Variants in ATG7 observed in about 807,000 individuals in gnomAD.
ATG7 encodes ubiquitin-like modifier-activating enzyme ATG7.
A neutral mutation model predicts 82.4 loss-of-function variants in ATG7; 70 were observed. That is an observed-to-expected ratio of 0.85 (90% CI 0.70 to 1.04). The LOEUF is 1.04. Among genes scored for constraint, ATG7 ranks in the 50% least tolerant of loss-of-function variants. ATG7 has a pLI of 0.00. For synonymous variants in ATG7, 287 were observed against 313.0 expected, an observed-to-expected ratio of 0.92 and a Z score of 0.88; for missense variants, 792 against 864.3, an observed-to-expected ratio of 0.92 and a Z score of 1.05.
At chr3:11,357,416 C>T (rs931501916) in intron 14 of ATG7, among the ~76,000 whole-genome samples, 1 of 152,144 alleles carries the variant, frequency 6.6e-6, no homozygotes, top group African/African-American at 2.4e-5. Flanking sequence ...AGAGTGAAGC[C>T]TTACTCTGTC....
At chr3:11,284,289 TCTCA>T in intron 3 of ATG7, among the ~76,000 whole-genome samples, 1 of 152,308 alleles carries the variant, frequency 6.6e-6, no homozygotes. Context: ...GGTTGGGCGG[TCTCA>T]CTCCAGGAAG....
the ATG7 span, among the ~76,000 whole-genome samples, chr3:11,569,696 G>A: frequency 6.6e-6 from 1 of 152,356 alleles, no homozygotes; most frequent in African/African-American, 2.4e-5. Context: ...AGGACAGCCA[G>A]TCGTTCACAC....
chr3:11,276,697 C>T (rs1013185851), intron 1 of ATG7, among the ~76,000 whole-genome samples: 57 of 152,294 alleles, frequency 3.7e-4, no homozygotes, highest in African/African-American at 1.3e-3. Context: ...CCCAGTCCTA[C>T]TTTGTATTAT....
intron 14 of ATG7, among the ~76,000 whole-genome samples, chr3:11,350,428 A>G (rs1160016122): frequency 6.6e-6 from 1 of 152,198 alleles, no homozygotes; most frequent in Non-Finnish European, 1.5e-5. Flanking sequence ...GCTGTGGTTC[A>G]GCTGTGTCAC....
intron 20 of ATG7, among the ~76,000 whole-genome samples, chr3:11,521,335 T>A (rs2124917178): frequency 6.6e-6 from 1 of 152,156 alleles, no homozygotes; most frequent in East Asian, 1.9e-4. Context: ...AAAGGGTGGC[T>A]AAGAGTCACA....
intron 19 of ATG7, among the ~76,000 whole-genome samples, chr3:11,401,134 G>A (rs1490660111): frequency 2.6e-5 from 4 of 152,244 alleles, no homozygotes; most frequent in Admixed American, 2.0e-4. Context: ...CTCAGACCCC[G>A]CCCCAGACCT....
At chr3:11,563,183 C>T in the ATG7 span, among the ~76,000 whole-genome samples, 1 of 152,212 alleles carries the variant, frequency 6.6e-6, no homozygotes, top group Non-Finnish European at 1.5e-5. Context: ...AGTTATGTCC[C>T]CCAGGTCATC....
chr3:11,435,357 T>TAAA (rs1576393658), intron 20 of ATG7, among the ~76,000 whole-genome samples: 1 of 152,188 alleles, frequency 6.6e-6, no homozygotes, highest in East Asian at 1.9e-4. Flanking sequence ...TCGGTGCCAC[T>TAAA]TTTGACTTCT....
chr3:11,307,234 G>T (rs1285096604), intron 6 of ATG7, among the ~76,000 whole-genome samples, 174 bp downstream of exon 6: 1 of 152,214 alleles, frequency 6.6e-6, no homozygotes. Context: ...GTCTCCTTCT[G>T]TATTGGCAGG....
At chr3:11,309,587 A>T (rs1443154926) in intron 7 of ATG7, among the ~76,000 whole-genome samples, 3 of 151,978 alleles carry the variant, frequency 2.0e-5, no homozygotes, top group Non-Finnish European at 4.4e-5. Context: ...AAGGGGTAGG[A>T]TGTAGATGGA....
intron 20 of ATG7, among the ~76,000 whole-genome samples, chr3:11,537,092 G>T (rs1280556136): frequency 6.6e-6 from 1 of 152,012 alleles, no homozygotes; most frequent in Non-Finnish European, 1.5e-5. Flanking sequence ...CACCCACCCA[G>T]CCACGTGCTC....
chr3:11,374,153 C>T lies in ATG7; in HGVS notation c.1876-5819C>T, dbSNP rs950413156. Among the ~76,000 whole-genome samples, 6 of 152,282 alleles carry T rather than the reference C, an allele frequency of 3.9e-5. No homozygotes were observed. In the East Asian group the frequency reaches 5.8e-4, roughly 15 times the overall value. On this transcript the variant is annotated intron_variant, in intron 18 of 20. Transcript: ENST00000693202. ...TGCAAGGGACCCAGAATACCCAAAA[C>T]GATCCTGGACGTGAAGAACAAAGTT... is the stretch of plus-strand genomic sequence containing the variant.
chr3:11,402,632 G>A (rs959647641), intron 19 of ATG7, among the ~76,000 whole-genome samples: 2 of 152,090 alleles, frequency 1.3e-5, no homozygotes, highest in African/African-American at 2.4e-5. Flanking sequence ...AGGCCAGCCT[G>A]GGCAACATAG....
At chr3:11,538,886 A>G (rs1166782834) in intron 20 of ATG7, among the ~76,000 whole-genome samples, 2 of 151,548 alleles carry the variant, frequency 1.3e-5, no homozygotes, top group Non-Finnish European at 2.9e-5. Context: ...AAAAAAAAGA[A>G]AAAGAAAAAG....
intron 20 of ATG7, among the ~76,000 whole-genome samples, chr3:11,463,291 G>C (rs2086522840): frequency 6.6e-6 from 1 of 152,162 alleles, no homozygotes; most frequent in Non-Finnish European, 1.5e-5. Flanking sequence ...AGAGGACTCA[G>C]GTTGCTGACC....
chr3:11,524,241 A>T (rs141356706), intron 20 of ATG7, among the ~76,000 whole-genome samples: 54 of 152,298 alleles, frequency 3.5e-4, no homozygotes, highest in African/African-American at 1.2e-3. Flanking sequence ...AAGTTGAAAC[A>T]CAGACAAAGG....
intron 14 of ATG7, among the ~76,000 whole-genome samples, chr3:11,357,826 A>G (rs1456425437): frequency 1.3e-5 from 2 of 151,904 alleles, no homozygotes; most frequent in African/African-American, 4.8e-5. Flanking sequence ...CCTGGGCAAC[A>G]TAGTGAGACC....
chr3:11,456,408 C>T (rs960385797), intron 20 of ATG7, among the ~76,000 whole-genome samples: 4 of 152,124 alleles, frequency 2.6e-5, no homozygotes, highest in Non-Finnish European at 5.9e-5. Flanking sequence ...GGATTGTTTC[C>T]ACTTTTTTGC....
rs113143364 is a variant in ATG7 at position 11,377,502 on chromosome 3, A to G, written c.1876-2470A>G. ...CTCCCTTTCTACCCCAACTGGATCT[A>G]CTTTCTCCCTGTCCCTCAGCTTTAC... On this transcript the variant is annotated intron_variant, in intron 18 of 20. Coordinates refer to ENST00000693202, the MANE Select transcript of ATG7 (RefSeq NM_001349232.2). Among the ~76,000 whole-genome samples, 326 of 152,158 alleles carry G rather than the reference A, an allele frequency of 2.1e-3. 1 individual carries two copies. Among genetic ancestry groups the G allele is most frequent in the African/African-American group, 7.5e-3 (311 of 41,488 alleles).
Sources: allele counts gnomAD v4.1 joint callset (sites outside exome capture counted in the v4.1 genomes callset), GRCh38; gene constraint gnomAD v4.1.1; transcripts MANE v1.5; gene names NCBI Gene and HGNC (gene_info 2026-07-23, HGNC 2026-07-21).